The following GRM8 variants were observed in gnomAD, a reference collection of about 807,000 sequenced individuals.
GRM8 encodes the protein metabotropic glutamate receptor 8.
Under a neutral mutation model 87.2 loss-of-function variants are expected in GRM8, and 47 were observed. That is an observed-to-expected ratio of 0.54 (90% CI 0.43 to 0.69). The LOEUF is 0.69. Among genes scored for constraint, GRM8 ranks in the 30% least tolerant of loss-of-function variants. The pLI is 0.00. For missense variants in GRM8, 1,019 were observed against 1,139.2 expected, an observed-to-expected ratio of 0.89 and a Z score of 1.52; for synonymous variants, 396 against 404.5, an observed-to-expected ratio of 0.98 and a Z score of 0.25.
intron 7 of GRM8, among the ~76,000 whole-genome samples, chr7:126,657,094 AT>A (rs1563065293): frequency 1.3e-5 from 2 of 152,112 alleles, no homozygotes; most frequent in Admixed American, 1.3e-4. Context: ...TACTGTCTTC[AT>A]TTTTTTAGGT....
chr7:126,593,052 G>A (rs549818739), intron 8 of GRM8, among the ~76,000 whole-genome samples: 4 of 151,928 alleles, frequency 2.6e-5, no homozygotes, highest in South Asian at 2.1e-4. Context: ...TAAACTTAAC[G>A]AGGAGTTAGA....
intron 7 of GRM8, among the ~76,000 whole-genome samples, chr7:126,728,388 C>T (rs945993515): frequency 3.9e-5 from 6 of 152,048 alleles, no homozygotes; most frequent in African/African-American, 1.4e-4. Context: ...GGCTGGCTCA[C>T]AGCGGGAGTA....
intron 2 of GRM8, among the ~76,000 whole-genome samples, chr7:127,164,632 G>A (rs1793327661): frequency 6.6e-6 from 1 of 152,086 alleles, no homozygotes. Flanking sequence ...TTATTTCTCA[G>A]CACACCTTGT....
At chr7:126,826,105 T>G (rs1410331317) in intron 6 of GRM8, among the ~76,000 whole-genome samples, 1 of 152,172 alleles carries the variant, frequency 6.6e-6, no homozygotes, top group African/African-American at 2.4e-5. Context: ...CACATTTTCT[T>G]AATCCAGTCT....
chr7:126,807,466 C>A (rs984382456), intron 6 of GRM8, among the ~76,000 whole-genome samples: 7 of 152,166 alleles, frequency 4.6e-5, no homozygotes, highest in Non-Finnish European at 8.8e-5. Context: ...TTGGTCTAGG[C>A]TAACCCTCGG....
chr7:126,460,925 T>C (rs1270045154), intron 9 of GRM8, among the ~76,000 whole-genome samples: 2 of 151,508 alleles, frequency 1.3e-5, no homozygotes, highest in Non-Finnish European at 3.0e-5. Context: ...AAGTATATTT[T>C]AGAGCCATTA....
At chr7:127,158,999 T>A (rs1792922558) in intron 2 of GRM8, among the ~76,000 whole-genome samples, 1 of 152,188 alleles carries the variant, frequency 6.6e-6, no homozygotes, top group Non-Finnish European at 1.5e-5. Flanking sequence ...CAATATGCCA[T>A]GAAGCATGCT....
intron 7 of GRM8, among the ~76,000 whole-genome samples, chr7:126,654,997 T>C (rs1485401143): frequency 6.6e-6 from 1 of 152,154 alleles, no homozygotes; most frequent in African/African-American, 2.4e-5. Flanking sequence ...GAAATGTCTC[T>C]GGCAAATGCA....
chr7:126,560,199 A>G (rs956667933), intron 8 of GRM8, among the ~76,000 whole-genome samples: 1 of 152,226 alleles, frequency 6.6e-6, no homozygotes, highest in African/African-American at 2.4e-5. Flanking sequence ...TTTTTAGTCT[A>G]TATCAGTGAT....
chr7:127,106,613 G>A lies in GRM8; in HGVS notation c.610C>T (p.Gln204Ter). The A allele has an allele frequency of 6.2e-7, 1 of 1,613,714 alleles. No homozygotes were observed. The highest frequency in any genetic ancestry group is 8.5e-7 in the Non-Finnish European group (1 of 1,179,640). The change falls in exon 3 of 11, where the codon CAA becomes TAA. Residue 204 changes from glutamine to a stop codon, truncating the protein, a stop_gained. Transcript: ENST00000339582. LOFTEE classifies it high-confidence loss of function. Reference sequence around the variant, plus strand: ...GCTGTCACGATGTCCACCATGGCTTGGGCTTGGTAGGAGTCAGGCGGAACC... The same window carrying A: ...GCTGTCACGATGTCCACCATGGCTTAGGCTTGGTAGGAGTCAGGCGGAACC... ...RVVPPDSYQA[Q>*]AMVDIVTALG... is the part of the protein sequence containing the mutation.
chr7:126,560,672 T>C (rs919120002), intron 8 of GRM8, among the ~76,000 whole-genome samples: 2 of 152,206 alleles, frequency 1.3e-5, no homozygotes, highest in Non-Finnish European at 2.9e-5. Context: ...CAAAATGCTA[T>C]AAAGCAGCAC....
intron 7 of GRM8, among the ~76,000 whole-genome samples, chr7:126,625,283 T>C (rs1800563433): frequency 6.6e-6 from 1 of 152,166 alleles, no homozygotes; most frequent in African/African-American, 2.4e-5. Flanking sequence ...GAAAGTGTAA[T>C]CATTCTTCAG....
At chr7:126,713,563 T>A (rs1221404992) in intron 7 of GRM8, among the ~76,000 whole-genome samples, 2 of 146,896 alleles carry the variant, frequency 1.4e-5, no homozygotes, top group Non-Finnish European at 3.0e-5. Context: ...TGTATACTTA[T>A]GTAACAAACA....
chr7:127,233,020 C>T (rs1248170637), intron 2 of GRM8, among the ~76,000 whole-genome samples: 2 of 151,938 alleles, frequency 1.3e-5, no homozygotes, highest in African/African-American at 2.4e-5. Flanking sequence ...TATTTAGAGA[C>T]GGGGTTTCAC....
intron 2 of GRM8, among the ~76,000 whole-genome samples, chr7:127,121,173 T>C (rs995620381): frequency 1.3e-5 from 2 of 152,220 alleles, no homozygotes; most frequent in East Asian, 1.9e-4. Context: ...AGGAGACGGA[T>C]GAAAAGATTT....
intron 2 of GRM8, among the ~76,000 whole-genome samples, chr7:127,146,942 G>T (rs368164489): frequency 1.3e-5 from 2 of 152,032 alleles, no homozygotes; most frequent in African/African-American, 4.8e-5. Context: ...GTTGCTTAGG[G>T]AAATAAAAGG....
At chr7:127,147,466 C>T (rs768105063) in intron 2 of GRM8, among the ~76,000 whole-genome samples, 8 of 152,018 alleles carry the variant, frequency 5.3e-5, no homozygotes, top group Non-Finnish European at 1.0e-4. Context: ...TCTCTGCTAA[C>T]TACTAATAAG....
chr7:126,817,372 A>G (rs2151754177), intron 6 of GRM8, among the ~76,000 whole-genome samples: 1 of 152,284 alleles, frequency 6.6e-6, no homozygotes, highest in African/African-American at 2.4e-5. Flanking sequence ...TCCTTCTAGT[A>G]CAGTGAAGGA....
chr7:126,590,963 TA>T (rs2151041762), intron 8 of GRM8, among the ~76,000 whole-genome samples: 1 of 151,796 alleles, frequency 6.6e-6, no homozygotes, highest in African/African-American at 2.4e-5. Context: ...AACAACACCA[TA>T]AATTTTTTTT....
Sources: allele counts gnomAD v4.1 joint callset (sites outside exome capture counted in the v4.1 genomes callset), GRCh38; gene constraint gnomAD v4.1.1; transcripts MANE v1.5; gene names NCBI Gene and HGNC (gene_info 2026-07-23, HGNC 2026-07-21).